The following VAV3 variants were observed in gnomAD, a reference collection of about 807,000 sequenced individuals.
VAV3 encodes the protein vav guanine nucleotide exchange factor 3, also known as guanine nucleotide exchange factor VAV3.
VAV3 carries 94 observed loss-of-function variants against 131.2 expected under a neutral mutation model. The observed-to-expected ratio is 0.72, with a 90% CI of 0.61 to 0.85. VAV3 has a LOEUF of 0.85. Ranked by LOEUF, VAV3 falls within the 40% of genes least tolerant of loss-of-function variation. The pLI, the probability that VAV3 is intolerant of heterozygous loss-of-function variation, is 0.00. For missense variants in VAV3, 939 were observed against 1,002.7 expected (o/e 0.94, Z 0.86); for synonymous variants, 349 against 342.0 (o/e 1.02, Z -0.22).
Position 107,650,804 on chromosome 1 carries a change from T to C in VAV3, c.1778-8049A>G, listed in dbSNP as rs558260514. 3.4e-5 allele frequency among the ~76,000 whole-genome samples: 5 copies of C among 147,528 alleles called. No individual in the cohort carries two copies. In the South Asian group the frequency reaches 8.5e-4, roughly 25 times the overall value. Reference sequence around the variant, plus strand: ...CAATTCCCATCTATGAGTGAGAACATGCGGTGTTTGGTTTTTTGTCCTGGC... The same window carrying C: ...CAATTCCCATCTATGAGTGAGAACACGCGGTGTTTGGTTTTTTGTCCTGGC... On this transcript the variant is annotated intron_variant, in intron 19 of 26. Transcript: ENST00000370056.
At chr1:107,775,576 A>C (rs12748051) in intron 4 of VAV3, among the ~76,000 whole-genome samples, 3 of 46,864 alleles carry the variant, frequency 6.4e-5, no homozygotes, top group African/African-American at 3.0e-4. Context: ...AGACTCAGTC[A>C]CAAAAAAAAA....
At chr1:107,812,286 G>C (rs891012007) in intron 2 of VAV3, among the ~76,000 whole-genome samples, 3 of 152,090 alleles carry the variant, frequency 2.0e-5, no homozygotes, top group Non-Finnish European at 4.4e-5. Flanking sequence ...TCCTGATGGA[G>C]AGATGCCACA....
At chr1:107,884,870 G>T (rs752725484) in intron 1 of VAV3, among the ~76,000 whole-genome samples, 1 of 152,052 alleles carries the variant, frequency 6.6e-6, no homozygotes, top group African/African-American at 2.4e-5. Context: ...ATTTCTTTCT[G>T]CACACATGAT....
rs1387250895 is a variant in VAV3 at position 107,878,833 on chromosome 1, A to G, written c.205-3816T>C. On this transcript the variant is annotated intron_variant, in intron 1 of 26. Transcript: ENST00000370056. Reference sequence around the variant, plus strand: ...TACCATGTGGCTGTCCTATTTCCCAATAATTTTTCACAATGGGATTAGTAT... The same window carrying G: ...TACCATGTGGCTGTCCTATTTCCCAGTAATTTTTCACAATGGGATTAGTAT... 2.6e-5 allele frequency among the ~76,000 whole-genome samples: 4 copies of G among 152,132 alleles called. No individual in the cohort carries two copies. The East Asian group carries it at 7.7e-4, about 29-fold the overall frequency.
In VAV3 at chr1:107,698,211, C is replaced by T. The variant is rs1421199867; in HGVS notation, c.1705+6339G>A. On this transcript the variant is annotated intron_variant, in intron 17 of 26. Transcript: ENST00000370056. ...TTGGATGGTTCATTTATGATTTTTC[C>T]ACTTTACAACGGTATGAAAGTCACA... Among the ~76,000 whole-genome samples the T allele has an allele frequency of 2.0e-5, 3 of 152,102 alleles. No individual in the cohort carries two copies. In the East Asian group the frequency reaches 5.8e-4, roughly 29 times the overall value.
At chr1:107,957,649 A>G (rs573262532) in intron 1 of VAV3, among the ~76,000 whole-genome samples, 9 of 152,324 alleles carry the variant, frequency 5.9e-5, no homozygotes, top group African/African-American at 2.2e-4. Flanking sequence ...AACAAACAAA[A>G]ACTGAGAAGG....
chr1:107,799,713 C>T (rs1282249245), intron 2 of VAV3, among the ~76,000 whole-genome samples: 1 of 152,196 alleles, frequency 6.6e-6, no homozygotes, highest in Non-Finnish European at 1.5e-5. Flanking sequence ...AAATTATTCT[C>T]TTCCAGCCAT....
At chr1:107,659,665 G>C (rs1422977617) in intron 19 of VAV3, among the ~76,000 whole-genome samples, 2 of 151,978 alleles carry the variant, frequency 1.3e-5, no homozygotes, top group African/African-American at 2.4e-5. Context: ...ATATTTTTTA[G>C]GAAATGCCTA....
intron 25 of VAV3, among the ~76,000 whole-genome samples, chr1:107,584,049 C>G (rs1163121103): frequency 6.6e-6 from 1 of 152,022 alleles, no homozygotes; most frequent in Non-Finnish European, 1.5e-5. Flanking sequence ...GTACTGGTAC[C>G]AAAACAGAGA....
Position 107,942,494 on chromosome 1 carries a change from G to C in VAV3, c.204+22172C>G, listed in dbSNP as rs142818490. On this transcript the variant is annotated intron_variant, in intron 1 of 26. Coordinates refer to ENST00000370056, the MANE Select transcript of VAV3 (RefSeq NM_006113.5). ...TTTCAGATCTTGTCTCACTTCTTCA[G>C]GCCCACCACACTTTCTAATTGGTAA... Among the ~76,000 whole-genome samples the C allele has an allele frequency of 2.6e-5, 4 of 152,160 alleles. No homozygotes were observed. The East Asian group carries it at 7.7e-4, about 29-fold the overall frequency.
chr1:107,836,350 G>C (rs77705025), intron 2 of VAV3, among the ~76,000 whole-genome samples: 21,327 of 152,042 alleles, frequency 0.14, 1,657 homozygotes, highest in East Asian at 0.23. Context: ...CAAAATGAAG[G>C]TGGAAATCAA....
In VAV3 at chr1:107,591,842, C is replaced by T. The variant is rs114798125; in HGVS notation, c.2350+4370G>A. On this transcript the variant is annotated intron_variant, in intron 25 of 26. Coordinates refer to ENST00000370056, the MANE Select transcript of VAV3 (RefSeq NM_006113.5). Reference sequence around the variant, plus strand: ...CCCTTATTGCTAAATACTCAGCACACGTTCCTGAAAAACAAAGGTATTCTC... The same window carrying T: ...CCCTTATTGCTAAATACTCAGCACATGTTCCTGAAAAACAAAGGTATTCTC... 4.2e-3 allele frequency among the ~76,000 whole-genome samples: 637 copies of T among 152,204 alleles called. 2 individuals are homozygous for T. The highest frequency in any genetic ancestry group is 0.014 in the African/African-American group (593 of 41,536).
chr1:107,755,857 C>T (rs1286466613), intron 11 of VAV3, among the ~76,000 whole-genome samples: 1 of 152,046 alleles, frequency 6.6e-6, no homozygotes, highest in Non-Finnish European at 1.5e-5. Flanking sequence ...AATTACTGAC[C>T]TTGAGAGCAT....
At chr1:107,926,666 A>C (rs1312356939) in intron 1 of VAV3, among the ~76,000 whole-genome samples, 1 of 152,088 alleles carries the variant, frequency 6.6e-6, no homozygotes, top group Non-Finnish European at 1.5e-5. Flanking sequence ...GAGGCATTGC[A>C]TTTAACTCAG....
chr1:107,860,614 T>C (rs1367617874), intron 2 of VAV3, among the ~76,000 whole-genome samples: 1 of 151,636 alleles, frequency 6.6e-6, no homozygotes, highest in Non-Finnish European at 1.5e-5. Flanking sequence ...CGATTTTAAA[T>C]TTCTTAACCT....
In VAV3 at chr1:107,919,446, T is replaced by A. The variant is rs567992603; in HGVS notation, c.205-44429A>T. Among the ~76,000 whole-genome samples, 3 of 152,336 alleles carry A rather than the reference T, an allele frequency of 2.0e-5. No individual in the cohort carries two copies. The South Asian group carries it at 6.2e-4, about 32-fold the overall frequency. ...CTATTCTTAATATAAACTGGAAAGT[T>A]GTCTAAAACCCTGGATAAATCAGAC... On this transcript the variant is annotated intron_variant, in intron 1 of 26. Transcript: ENST00000370056.
At chr1:107,595,876 A>C (rs941382672) in intron 25 of VAV3, among the ~76,000 whole-genome samples, 6 of 152,196 alleles carry the variant, frequency 3.9e-5, no homozygotes, top group Non-Finnish European at 8.8e-5. Context: ...ACTCAAACAG[A>C]ATTATGACCT....
intron 19 of VAV3, among the ~76,000 whole-genome samples, chr1:107,659,880 T>C (rs1030187060): frequency 9.9e-5 from 15 of 152,174 alleles, no homozygotes; most frequent in Admixed American, 7.9e-4. Context: ...AGGGCTAAAC[T>C]AGACCTTTTC....
At chr1:107,838,399 A>G (rs1194437850) in intron 2 of VAV3, among the ~76,000 whole-genome samples, 1 of 152,222 alleles carries the variant, frequency 6.6e-6, no homozygotes, top group Admixed American at 6.5e-5. Context: ...AGAATGAGAT[A>G]CAAACTCACA....
Sources: gnomAD v4.1 joint callset for allele counts (sites outside exome capture counted in the v4.1 genomes callset) on GRCh38, gnomAD v4.1.1 for gene constraint, MANE v1.5 for transcripts, NCBI Gene and HGNC (gene_info 2026-07-23, HGNC 2026-07-21) for gene names.